Variants in CFAP61 observed in about 807,000 individuals in gnomAD.
The protein encoded by CFAP61 is cilia and flagella associated protein 61, also known as cilia- and flagella-associated protein 61.
Under a neutral mutation model 135.6 loss-of-function variants are expected in CFAP61, and 107 were observed. The observed-to-expected ratio is 0.79, with a 90% CI of 0.67 to 0.93. CFAP61 has a LOEUF of 0.93. CFAP61 is among the 40% of genes least tolerant of loss of function. The probability of loss-of-function intolerance (pLI) is 0.00; values close to 1 mark genes in which losing one functional copy is unlikely to be tolerated. For synonymous variants in CFAP61, 575 were observed against 578.5 expected (o/e 0.99, Z 0.09); for missense variants, 1,507 against 1,556.2 (o/e 0.97, Z 0.53).
chr20:20,323,185 A>G, intron 25 of CFAP61: 1 of 985,466 alleles, frequency 1.0e-6, no homozygotes, highest in Non-Finnish European at 1.2e-6. Context: ...ACCTTTAAAG[A>G]GGGCCCCATG....
At chr20:20,135,690 T>G (rs2050872217) in intron 8 of CFAP61, among the ~76,000 whole-genome samples, 1 of 152,234 alleles carries the variant, frequency 6.6e-6, no homozygotes, top group African/African-American at 2.4e-5. Context: ...TTGTTTCTAT[T>G]TATATCTTAC....
intron 9 of CFAP61, among the ~76,000 whole-genome samples, chr20:20,146,173 AGACATGAGT>A (rs1455849561): frequency 1.3e-5 from 2 of 151,856 alleles, no homozygotes; most frequent in African/African-American, 4.8e-5. Flanking sequence ...ATTCACAGAT[AGACATGAGT>A]GAATAATAAT....
chr20:20,257,335 C>A (rs1221542680), intron 20 of CFAP61, among the ~76,000 whole-genome samples: 1 of 152,156 alleles, frequency 6.6e-6, no homozygotes, highest in Non-Finnish European at 1.5e-5. Context: ...AGAACTTCAG[C>A]CAGGCGTGGT....
At chr20:20,181,076 GATAA>G (rs912811780) in intron 13 of CFAP61, among the ~76,000 whole-genome samples, 2 of 151,740 alleles carry the variant, frequency 1.3e-5, no homozygotes, top group Non-Finnish European at 1.5e-5. Context: ...ATACCTGGGT[GATAA>G]ATAATCTCTA....
Position 20,054,021 on chromosome 20 carries a change from T to G in CFAP61, c.-37+1430T>G, listed in dbSNP as rs796921087. On this transcript the variant is annotated intron_variant, in intron 1 of 26. Transcript: ENST00000245957. ...GTGTGTTTTTTTTGTTTGTTTTTTTTTTTTTTTTTTTTTAGGAAAAATGTA... is the reference window on the plus strand; with the variant it reads ...GTGTGTTTTTTTTGTTTGTTTTTTTGTTTTTTTTTTTTTAGGAAAAATGTA... Among the ~76,000 whole-genome samples, 10 of 146,738 alleles carry G rather than the reference T, an allele frequency of 6.8e-5. No individual in the cohort carries two copies. In the East Asian group the frequency reaches 9.9e-4, roughly 15 times the overall value.
intron 6 of CFAP61, chr20:20,085,468 A>G (rs754657287): frequency 7.3e-7 from 1 of 1,366,596 alleles, no homozygotes; most frequent in Non-Finnish European, 9.8e-7. Flanking sequence ...AAAGGGCTTA[A>G]GAGAGAGCCT....
At chr20:20,054,000 GT>G (rs772688050) in intron 1 of CFAP61, among the ~76,000 whole-genome samples, 2,407 of 99,268 alleles carry the variant, frequency 0.024, 31 homozygotes, top group Non-Finnish European at 0.035. Context: ...CTCTGTGTGT[GT>G]TTTTTTTGTT....
At chr20:20,077,249 G>T (rs1207264994) in intron 6 of CFAP61, among the ~76,000 whole-genome samples, 1 of 152,204 alleles carries the variant, frequency 6.6e-6, no homozygotes, top group Non-Finnish European at 1.5e-5. Flanking sequence ...TCAGTGGAAT[G>T]AACCATTTAC....
chr20:20,355,782 G>C (rs2059102029), intron 26 of CFAP61, among the ~76,000 whole-genome samples: 1 of 137,396 alleles, frequency 7.3e-6, no homozygotes, highest in African/African-American at 2.9e-5. Flanking sequence ...TGTGAGGGGA[G>C]GTGGTCACAC....
chr20:20,141,365 G>A (rs971604732), intron 8 of CFAP61, among the ~76,000 whole-genome samples: 11 of 152,210 alleles, frequency 7.2e-5, no homozygotes, highest in Admixed American at 5.9e-4. Flanking sequence ...CATGATGAGA[G>A]TGCTAGAAAC....
At chr20:20,310,163 T>G (rs140078125) in intron 25 of CFAP61, among the ~76,000 whole-genome samples, 4,118 of 152,170 alleles carry the variant, frequency 0.027, 187 homozygotes, top group African/African-American at 0.095. Flanking sequence ...CCTGCTAATT[T>G]TTGTATTTTT....
rs560531178 is a variant in CFAP61 at position 20,082,752 on chromosome 20, C to T, written c.566+7137C>T. 2.0e-5 allele frequency among the ~76,000 whole-genome samples: 3 copies of T among 152,270 alleles called. No homozygotes were observed. In the East Asian group the frequency reaches 5.8e-4, roughly 29 times the overall value. On this transcript the variant is annotated intron_variant, in intron 6 of 26. Transcript: ENST00000245957. ...GCTTTTTAAAATAGATGAAAAATCT[C>T]TAATCATCAGGGAAATGCAAATTAA...
intron 8 of CFAP61, among the ~76,000 whole-genome samples, chr20:20,108,258 G>A (rs898317716): frequency 7.9e-5 from 12 of 152,124 alleles, no homozygotes; most frequent in African/African-American, 2.4e-4. Flanking sequence ...TGCATTAGAT[G>A]TTCATGTTCT....
intron 9 of CFAP61, among the ~76,000 whole-genome samples, chr20:20,158,969 C>A (rs1444321045): frequency 6.6e-6 from 1 of 152,172 alleles, no homozygotes; most frequent in African/African-American, 2.4e-5. Flanking sequence ...TACTTTAATG[C>A]AATTACTTTT....
At chr20:20,121,852 C>T (rs1036986372) in intron 8 of CFAP61, among the ~76,000 whole-genome samples, 1 of 151,818 alleles carries the variant, frequency 6.6e-6, no homozygotes, top group East Asian at 1.9e-4. Flanking sequence ...TTTTGTGACT[C>T]CTCTTTTCCT....
At chr20:20,151,746 C>T (rs944609718) in intron 9 of CFAP61, among the ~76,000 whole-genome samples, 6 of 145,368 alleles carry the variant, frequency 4.1e-5, no homozygotes, top group South Asian at 4.4e-4. Context: ...GGGAGAATGG[C>T]GTGAACCCAG....
chr20:20,057,062 G>A (rs1166538775), intron 2 of CFAP61, among the ~76,000 whole-genome samples: 1 of 149,818 alleles, frequency 6.7e-6, no homozygotes, highest in Non-Finnish European at 1.5e-5. Flanking sequence ...AGGCTGCAGT[G>A]AGCCAAGACA....
intron 16 of CFAP61, among the ~76,000 whole-genome samples, chr20:20,198,097 G>T (rs1349704629): frequency 6.6e-6 from 1 of 152,182 alleles, no homozygotes; most frequent in African/African-American, 2.4e-5. Flanking sequence ...AAAAGGTTTT[G>T]AGTGAGATGT....
chr20:20,090,643 TCACGC>T (rs1184537011), intron 6 of CFAP61, among the ~76,000 whole-genome samples, 196 bp from the exon 7 acceptor site: 1 of 138,052 alleles, frequency 7.2e-6, no homozygotes, highest in Admixed American at 8.0e-5. Context: ...TGAGCCGAGA[TCACGC>T]CACTGCATTC....
Sources: allele counts gnomAD v4.1 joint callset (sites outside exome capture counted in the v4.1 genomes callset), GRCh38; gene constraint gnomAD v4.1.1; transcripts MANE v1.5; gene names NCBI Gene and HGNC (gene_info 2026-07-23, HGNC 2026-07-21).